The following UBAP1 variants were observed in gnomAD, a reference collection of about 807,000 sequenced individuals.
UBAP1 encodes ubiquitin associated protein 1.
A neutral mutation model predicts 39.0 loss-of-function variants in UBAP1; 5 were observed. That is an observed-to-expected ratio of 0.13 (90% confidence interval 0.07 to 0.27). The LOEUF is 0.27. Among genes scored for constraint, UBAP1 ranks in the 10% least tolerant of loss-of-function variants. The pLI, the probability that UBAP1 is intolerant of heterozygous loss-of-function variation, is 1.00. For missense variants in UBAP1, 490 were observed against 608.1 expected, an observed-to-expected ratio of 0.81 and a Z score of 2.04; for synonymous variants, 211 against 225.1, an observed-to-expected ratio of 0.94 and a Z score of 0.56.
At chr9:34,211,815 T>C (rs1055247970) in intron 1 of UBAP1, among the ~76,000 whole-genome samples, 1 of 152,178 alleles carries the variant, frequency 6.6e-6, no homozygotes, top group Non-Finnish European at 1.5e-5. Context: ...TTTCCCCATC[T>C]CTTTTTATTC....
chr9:34,225,774 C>T (rs888777699), intron 2 of UBAP1, among the ~76,000 whole-genome samples: 2 of 144,442 alleles, frequency 1.4e-5, no homozygotes, highest in Non-Finnish European at 3.0e-5. Flanking sequence ...AGCAAGACGC[C>T]ATCTTAAAAA....
intron 3 of UBAP1, among the ~76,000 whole-genome samples, chr9:34,240,091 A>G (rs771802630): frequency 5.3e-5 from 8 of 152,154 alleles, no homozygotes; most frequent in Non-Finnish European, 8.8e-5. Context: ...TAGGGGAACC[A>G]ATTGCAAAAT....
chr9:34,194,577 G>A (rs1016046612), intron 1 of UBAP1, among the ~76,000 whole-genome samples: 9 of 152,098 alleles, frequency 5.9e-5, no homozygotes, highest in Admixed American at 3.9e-4. Context: ...GCCTCCCAAA[G>A]TGCTGGGATT....
chr9:34,223,431 C>A (rs933593577), intron 2 of UBAP1, among the ~76,000 whole-genome samples: 15 of 150,532 alleles, frequency 1.0e-4, no homozygotes, highest in Non-Finnish European at 2.1e-4. Flanking sequence ...AAAAAGAATT[C>A]TTAACCAAAG....
chr9:34,224,585 C>T (rs778277974), intron 2 of UBAP1: 111 of 435,476 alleles, frequency 2.5e-4, no homozygotes, highest in Middle Eastern at 3.9e-4. Flanking sequence ...TCTCTTGCCC[C>T]CGGTCTTGCG....
At chr9:34,202,380 C>T (rs1341752578) in intron 1 of UBAP1, among the ~76,000 whole-genome samples, 2 of 152,072 alleles carry the variant, frequency 1.3e-5, no homozygotes, top group African/African-American at 4.8e-5. Context: ...GATCCTCCCG[C>T]CTCAGCCTCC....
At chr9:34,248,313 C>T (rs1048316458) in intron 4 of UBAP1, among the ~76,000 whole-genome samples, 6 of 152,158 alleles carry the variant, frequency 3.9e-5, no homozygotes, top group Admixed American at 2.0e-4. Context: ...GGATTACAGG[C>T]GTGAGCCACC....
intron 1 of UBAP1, among the ~76,000 whole-genome samples, chr9:34,207,898 T>C (rs1327396210): frequency 5.9e-5 from 9 of 152,230 alleles, no homozygotes; most frequent in Non-Finnish European, 1.2e-4. Context: ...TCTGAGTTTT[T>C]ATGCTTTTTA....
chr9:34,250,013 A>G (rs758273145), intron 5 of UBAP1, 52 bp downstream of exon 5: 3 of 1,590,728 alleles, frequency 1.9e-6, no homozygotes, highest in South Asian at 2.2e-5. Flanking sequence ...GAGCTGGAGT[A>G]GTGTCCTCCC....
At chr9:34,208,568 G>C (rs1455448345) in intron 1 of UBAP1, among the ~76,000 whole-genome samples, 1 of 152,098 alleles carries the variant, frequency 6.6e-6, no homozygotes, top group Non-Finnish European at 1.5e-5. Context: ...ATGAGGTCAG[G>C]AGATTGAGAC....
At chr9:34,210,734 A>ATTTTT (rs545066753) in intron 1 of UBAP1, among the ~76,000 whole-genome samples, 13 of 146,560 alleles carry the variant, frequency 8.9e-5, no homozygotes, top group African/African-American at 3.0e-4. Flanking sequence ...AAAAAAAAAA[A>ATTTTT]TTTTTTTTTT....
chr9:34,207,048 C>CTTTTT (rs34197502), intron 1 of UBAP1, among the ~76,000 whole-genome samples: 55 of 90,038 alleles, frequency 6.1e-4, no homozygotes, highest in East Asian at 1.8e-3. Context: ...ATTGTTATTT[C>CTTTTT]TTTTTTTTTT....
At chr9:34,198,578 TG>T (rs1174371840) in intron 1 of UBAP1, among the ~76,000 whole-genome samples, 1 of 152,170 alleles carries the variant, frequency 6.6e-6, no homozygotes, top group Non-Finnish European at 1.5e-5. Context: ...GCAGAGCTGG[TG>T]GTTGGGCTCT....
chr9:34,215,482 A>C (rs12378781), intron 1 of UBAP1, among the ~76,000 whole-genome samples: 48,728 of 149,228 alleles, frequency 0.33, 9,685 homozygotes, highest in Non-Finnish European at 0.45. Context: ...AAGCTAAGCT[A>C]TGAGGACGCA....
chr9:34,213,810 G>T (rs1340202219), intron 1 of UBAP1, among the ~76,000 whole-genome samples: 1 of 151,780 alleles, frequency 6.6e-6, no homozygotes, highest in African/African-American at 2.4e-5. Flanking sequence ...ACTGATAAAA[G>T]AATTCAGCAA....
Position 34,179,107 on chromosome 9 carries a change from G to C in UBAP1, c.-141G>C. The C allele has an allele frequency of 7.8e-7, 1 of 1,278,938 alleles. No homozygotes were observed. The highest frequency in any genetic ancestry group is 9.9e-7 in the Non-Finnish European group (1 of 1,010,604). The allele number at this position is 1,278,938 out of a possible 1,614,324, so 79.2% of individuals were successfully genotyped here. A position where few individuals can be genotyped will look rare whatever the true frequency, so the allele number is the denominator to read the frequency against. On this transcript the variant is annotated 5_prime_UTR_variant, in exon 1 of 7. Coordinates refer to ENST00000297661, the MANE Select transcript of UBAP1 (RefSeq NM_016525.5). Reference sequence around the variant, plus strand: ...GTGGCTACGGTGACGGCCTGGCCCGGAGCGGGCAGAGTTGGAGGTGGTGGC... The same window carrying C: ...GTGGCTACGGTGACGGCCTGGCCCGCAGCGGGCAGAGTTGGAGGTGGTGGC...
chr9:34,193,883 T>G (rs1175398001), intron 1 of UBAP1, among the ~76,000 whole-genome samples: 1 of 152,090 alleles, frequency 6.6e-6, no homozygotes, highest in Non-Finnish European at 1.5e-5. Flanking sequence ...CAGTCCCCTC[T>G]CTGGGGAGGG....
chr9:34,222,839 A>G (rs1366370936), intron 2 of UBAP1, among the ~76,000 whole-genome samples: 1 of 152,150 alleles, frequency 6.6e-6, no homozygotes, highest in Admixed American at 6.6e-5. Flanking sequence ...GCTTAAGAAA[A>G]GAAAAAGGGA....
At chr9:34,200,193 G>A (rs1831291002) in intron 1 of UBAP1, among the ~76,000 whole-genome samples, 1 of 152,100 alleles carries the variant, frequency 6.6e-6, no homozygotes, top group Non-Finnish European at 1.5e-5. Flanking sequence ...TAAAGTACCT[G>A]TCTCAGTTAT....
Sources: allele counts gnomAD v4.1 joint callset (sites outside exome capture counted in the v4.1 genomes callset), GRCh38; gene constraint gnomAD v4.1.1; transcripts MANE v1.5; gene names NCBI Gene and HGNC (gene_info 2026-07-23, HGNC 2026-07-21).